TRIM58: variants seen among roughly 807,000 people sequenced by gnomAD.
TRIM58 encodes the protein E3 ubiquitin-protein ligase TRIM58.
In TRIM58, 38 loss-of-function variants were observed where a neutral mutation model predicts 34.1. That is an observed-to-expected ratio of 1.12 (90% confidence interval 0.86 to 1.46). The LOEUF (loss-of-function observed/expected upper bound fraction) is 1.46. Ranked by LOEUF, TRIM58 falls within the 40% of genes most tolerant of loss-of-function variation. TRIM58 has a pLI of 0.00. For synonymous variants in TRIM58, 273 were observed against 275.7 expected (o/e 0.99, Z 0.10); for missense variants, 677 against 642.0 (o/e 1.05, Z -0.59).
At chr1:247,864,684 T>G (rs920735794) in intron 2 of TRIM58, 21 bp from the exon 3 acceptor site, 6 of 1,612,274 alleles carry the variant, frequency 3.7e-6, no homozygotes, top group Non-Finnish European at 5.1e-6. Flanking sequence ...ACTGACGATG[T>G]GATCCACGGT....
In TRIM58 at chr1:247,864,757, G is replaced by C. The variant is rs745451596; in HGVS notation, c.569G>C (p.Arg190Pro). The change falls in exon 3 of 6, where the codon CGT (arginine) becomes CCT (proline). Residue 190 changes from arginine to proline, a missense_variant. Transcript: ENST00000366481. ...QRFRLEFEKH[R>P]GFLAQEEQRQ... is the part of the protein sequence containing the mutation. The stretch of plus-strand genomic sequence containing the variant: ...TTCAGATTGGAGTTTGAGAAGCATC[G>C]TGGCTTTCTGGCCCAGGAGGAGCAA... 3.7e-6 allele frequency: 6 copies of C among 1,614,164 alleles called. No individual in the cohort carries two copies. The highest frequency in any genetic ancestry group is 1.7e-5 in the Admixed American group (1 of 60,010).
Position 247,879,273 on chromosome 1 carries a change from C to T in TRIM58, c.*2784C>T, listed in dbSNP as rs566461987. ...TTTCTCCAGCCCACATCCAGTCCAT[C>T]GGCAAGCCCTGTTGGTCCTACCTTC... On this transcript the variant is annotated 3_prime_UTR_variant, in exon 6 of 6. Coordinates refer to ENST00000366481, the MANE Select transcript of TRIM58 (RefSeq NM_015431.4). Among the ~76,000 whole-genome samples, 12 of 152,294 alleles carry T rather than the reference C, an allele frequency of 7.9e-5. No homozygotes were observed. The highest frequency in any genetic ancestry group is 2.4e-4 in the African/African-American group (10 of 41,576).
chr1:247,859,657 G>C (rs1301962357), intron 1 of TRIM58, among the ~76,000 whole-genome samples: 1 of 151,890 alleles, frequency 6.6e-6, no homozygotes, highest in Non-Finnish European at 1.5e-5. Context: ...AACCTACCAA[G>C]TTCCTTCTGA....
Position 247,876,526 on chromosome 1 carries a change from C to T in TRIM58, c.*37C>T, listed in dbSNP as rs781335292. On this transcript the variant is annotated 3_prime_UTR_variant, in exon 6 of 6. Transcript: ENST00000366481. ...CAAGATGCAGTCCTAGCGTAGCGAA[C>T]GTTCCTGGAGTGGGGTGAAGGATAT... The T allele has an allele frequency of 1.6e-5, 25 of 1,543,944 alleles. No individual in the cohort carries two copies. The highest frequency in any genetic ancestry group is 1.1e-4 in the African/African-American group (8 of 73,140).
intron 5 of TRIM58, among the ~76,000 whole-genome samples, chr1:247,868,899 A>T (rs1329378683): frequency 6.6e-6 from 1 of 151,948 alleles, no homozygotes; most frequent in African/African-American, 2.4e-5. Context: ...CTCAGGACTC[A>T]GTTCTTTTTT....
At chr1:247,858,751 A>ATTT (rs1558347904) in intron 1 of TRIM58, among the ~76,000 whole-genome samples, 4 of 71,574 alleles carry the variant, frequency 5.6e-5, no homozygotes, top group East Asian at 5.9e-4. Flanking sequence ...ATTGGTAGTA[A>ATTT]CTTTTTTTTT....
chr1:247,866,853 C>T (rs116483274), intron 3 of TRIM58, among the ~76,000 whole-genome samples: 1 of 152,096 alleles, frequency 6.6e-6, no homozygotes, highest in Admixed American at 6.6e-5. Flanking sequence ...CCTTTCTTCC[C>T]TGGTACTAAT....
chr1:247,857,751 C>T (rs995948597), intron 1 of TRIM58, 85 bp downstream of exon 1: 8 of 1,195,082 alleles, frequency 6.7e-6, no homozygotes, highest in East Asian at 7.1e-5. Context: ...CGAGGCCACC[C>T]GTCTCCTGAG....
rs929140577 is a variant in TRIM58 at position 247,876,221 on chromosome 1, C to T, written c.1193C>T (p.Pro398Leu). 2 of 1,614,218 alleles carry T rather than the reference C, an allele frequency of 1.2e-6. No homozygotes were observed. The highest frequency in any genetic ancestry group is 1.7e-6 in the Non-Finnish European group (2 of 1,180,038). Reference sequence around the variant, plus strand: ...AATGAGTACATGGTCCTTGCCTCCCCATCAGTGCCTCTTCTCCAACTGGAA... The same window carrying T: ...AATGAGTACATGGTCCTTGCCTCCCTATCAGTGCCTCTTCTCCAACTGGAA... ...KGNEYMVLAS[P>L]SVPLLQLESP... The change falls in exon 6 of 6, where the codon CCA (proline) becomes CTA (leucine). Residue 398 changes from proline (P) to leucine (L), a missense_variant. By Grantham distance (98) the Pro-to-Leu change is moderately conservative. Transcript: ENST00000366481.
At chr1:247,875,232 C>T (rs373039298) in intron 5 of TRIM58, among the ~76,000 whole-genome samples, 38 of 152,090 alleles carry the variant, frequency 2.5e-4, no homozygotes, top group African/African-American at 6.0e-4. Flanking sequence ...CTTAGAATTC[C>T]GCCTACCACA....
chr1:247,878,507 C>T lies in TRIM58; in HGVS notation c.*2018C>T, dbSNP rs544823336. 6.6e-6 allele frequency among the ~76,000 whole-genome samples: 1 copy of T among 152,348 alleles called. No individual in the cohort carries two copies. The highest frequency in any genetic ancestry group is 1.9e-4 in the East Asian group (1 of 5,186). On this transcript the variant is annotated 3_prime_UTR_variant, in exon 6 of 6. Coordinates refer to ENST00000366481, the MANE Select transcript of TRIM58 (RefSeq NM_015431.4). ...GCAAACAGAGGAAATAACGCATCCT[C>T]GTGTCCCTCTTCTTGGTGTTCCACA...
In TRIM58 at chr1:247,875,979, A is replaced by G; in HGVS notation, c.951A>G (p.Glu317=). ...ACCTGCGCAGTGTGCAGGATGGAGA[A>G]CCATGGAGGGATGTCCCCAACAACC... ...TADLRSVQDG[E]PWRDVPNNPE... The change falls in exon 6 of 6, where the codon GAA becomes GAG. Residue 317 remains glutamate, a synonymous_variant. Transcript: ENST00000366481. 2 of 1,614,202 alleles carry G rather than the reference A, an allele frequency of 1.2e-6. No individual in the cohort carries two copies. The highest frequency in any genetic ancestry group is 1.7e-6 in the Non-Finnish European group (2 of 1,180,030).
At chr1:247,860,778 C>A (rs1663773990) in intron 2 of TRIM58, 66 bp downstream of exon 2, 1 of 1,190,182 alleles carries the variant, frequency 8.4e-7, no homozygotes, top group Non-Finnish European at 1.2e-6. Flanking sequence ...GTCAGTAATT[C>A]TTCTACCATC....
At chr1:247,866,354 T>TG (rs1223292475) in intron 3 of TRIM58, among the ~76,000 whole-genome samples, 1 of 151,864 alleles carries the variant, frequency 6.6e-6, no homozygotes, top group Non-Finnish European at 1.5e-5. Context: ...TTTTTTTTTT[T>TG]GCGTTTTTAC....
chr1:247,868,062 A>T lies in TRIM58; in HGVS notation c.870A>T (p.Gln290His), dbSNP rs375525952. Reference protein sequence around the residue: ...PGRRELLRKFQVDVKLDPATA... With the variant: ...PGRRELLRKFHVDVKLDPATA... ...GGAGGGAGCTCTTAAGGAAGTTCCA[A>T]GGTAGTTGCATCTTAGAGACTGGGA... Residue 290 changes from glutamine to histidine, a missense_variant and splice_region_variant, in exon 5 of 6, where the codon CAA becomes CAT. Transcript: ENST00000366481. 19 of 1,601,518 alleles carry T rather than the reference A, an allele frequency of 1.2e-5. No homozygotes were observed. The highest frequency in any genetic ancestry group is 1.6e-5 in the Non-Finnish European group (19 of 1,174,556).
chr1:247,858,496 A>G (rs1021488831), intron 1 of TRIM58, among the ~76,000 whole-genome samples: 1 of 152,156 alleles, frequency 6.6e-6, no homozygotes, highest in Non-Finnish European at 1.5e-5. Context: ...GACAGATTTA[A>G]CCAAAGGACT....
chr1:247,870,146 A>G (rs79031098), intron 5 of TRIM58, among the ~76,000 whole-genome samples: 1,686 of 152,282 alleles, frequency 0.011, 18 homozygotes, highest in African/African-American at 0.036. Flanking sequence ...GAGTGTTAGA[A>G]TAAAGCTTCT....
Position 247,876,545 on chromosome 1 carries a change from A to G in TRIM58, c.*56A>G, listed in dbSNP as rs971358032. On this transcript the variant is annotated 3_prime_UTR_variant, in exon 6 of 6. Transcript: ENST00000366481. ...AGCGAACGTTCCTGGAGTGGGGTGA[A>G]GGATATCAATATACTAAGTTTTAAC... 2 of 1,384,742 alleles carry G rather than the reference A, an allele frequency of 1.4e-6. No individual in the cohort carries two copies. The highest frequency in any genetic ancestry group is 2.0e-5 in the Admixed American group (1 of 49,552). The allele number at this position is 1,384,742 out of a possible 1,614,324, so 85.8% of individuals were successfully genotyped here. A position where few individuals can be genotyped will look rare whatever the true frequency, so the allele number is the denominator to read the frequency against.
chr1:247,865,037 G>C, intron 3 of TRIM58, 102 bp downstream of exon 3: 16 of 1,115,712 alleles, frequency 1.4e-5, no homozygotes, highest in Non-Finnish European at 1.9e-5. Context: ...ATGTTCTTTA[G>C]GAAAAGGGCA....
Sources: allele counts gnomAD v4.1 joint callset (sites outside exome capture counted in the v4.1 genomes callset), GRCh38; gene constraint gnomAD v4.1.1; transcripts MANE v1.5; gene names NCBI Gene and HGNC (gene_info 2026-07-23, HGNC 2026-07-21).